Variants in HLA-F observed in about 807,000 individuals in gnomAD.
HLA-F encodes the protein major histocompatibility complex, class I, F.
In HLA-F, 46 loss-of-function variants were observed where a neutral mutation model predicts 49.5. The ratio of observed to expected loss-of-function variants is 0.93; its 90% CI spans 0.73 to 1.19. The LOEUF (loss-of-function observed/expected upper bound fraction) is 1.19. Ranked by LOEUF, HLA-F falls within the 50% of genes most tolerant of loss-of-function variation. The pLI, the probability that HLA-F is intolerant of heterozygous loss-of-function variation, is 0.00. For synonymous variants in HLA-F, 203 were observed against 233.5 expected (o/e 0.87, Z 1.19); for missense variants, 496 against 579.6 (o/e 0.86, Z 1.48).
downstream of HLA-F, among the ~76,000 whole-genome samples, chr6:29,731,270 TAG>T (rs1312253490): frequency 7.5e-6 from 1 of 132,782 alleles, no homozygotes; most frequent in Admixed American, 7.6e-5. Flanking sequence ...GATAGATAGA[TAG>T]ATAGATAGAC....
rs781610268 is a variant in HLA-F at position 29,727,133 on chromosome 6, G to A, written c.1287G>A (p.Trp429Ter). 47 of 1,605,152 alleles carry A rather than the reference G, an allele frequency of 2.9e-5. No homozygotes were observed. The highest frequency in any genetic ancestry group is 2.6e-4 in the Admixed American group (15 of 57,658). ...RRGRSFLLRSWHHLMKRVQIK... is the reference protein window; with the variant it reads ...RRGRSFLLRS ...GCAGGAGCTTCCTTCTTCGTTCTTG[G>A]CACCATCTTATGAAAAGGGTCCAGA... Residue 429 changes from tryptophan (W) to a stop codon, truncating the protein, a stop_gained, in exon 7 of 7, where the codon TGG becomes TGA. Transcript: ENST00000259951. LOFTEE classifies it low-confidence loss of function (END_TRUNC).
rs893466052 is a variant in HLA-F at position 29,727,129 on chromosome 6, C to T, written c.1283C>T (p.Ser428Phe). 1.2e-5 allele frequency: 19 copies of T among 1,607,252 alleles called. No individual in the cohort carries two copies. In the East Asian group the frequency reaches 4.0e-4, roughly 34 times the overall value. ...FRRGRSFLLRSWHHLMKRVQI... is the reference protein window; with the variant it reads ...FRRGRSFLLRFWHHLMKRVQI... ...AGGGGCAGGAGCTTCCTTCTTCGTTCTTGGCACCATCTTATGAAAAGGGTC... is the reference window on the plus strand; with the variant it reads ...AGGGGCAGGAGCTTCCTTCTTCGTTTTTGGCACCATCTTATGAAAAGGGTC... Residue 428 changes from serine (S) to phenylalanine (F), a missense_variant, in exon 7 of 7, where the codon TCT becomes TTT. Coordinates refer to ENST00000259951, the MANE Select transcript of HLA-F (RefSeq NM_001098479.2).
At chr6:29,728,299 C>A, downstream of HLA-F, 1 of 354,152 alleles carries the variant, frequency 2.8e-6, no homozygotes, top group South Asian at 2.1e-5. Context: ...TCATCTCTCC[C>A]TTCCCTGGAG....
At chr6:29,729,537 T>A (rs60581484), downstream of HLA-F, among the ~76,000 whole-genome samples, 806 of 152,362 alleles carry the variant, frequency 5.3e-3, 17 homozygotes, top group East Asian at 0.037. Flanking sequence ...GTTCAACCTA[T>A]AAATCTTTTA....
At chr6:29,732,667 C>A (rs890846067) in intron 3 of HLA-F, among the ~76,000 whole-genome samples, 1 of 151,760 alleles carries the variant, frequency 6.6e-6, no homozygotes, top group African/African-American at 2.4e-5. Context: ...AGTCTGGTCT[C>A]GAATTCCTGA....
intron 6 of HLA-F, chr6:29,726,626 G>T: frequency 6.6e-7 from 1 of 1,507,818 alleles, no homozygotes; most frequent in Non-Finnish European, 8.9e-7. Context: ...TTTTAATGGT[G>T]AAAAGATATA....
intron 4 of HLA-F, chr6:29,738,333 A>G (rs1174811434): frequency 6.6e-6 from 1 of 152,106 alleles, no homozygotes; most frequent in Non-Finnish European, 1.5e-5. Context: ...GTGAAAACCC[A>G]CCTGCCCAGC....
Position 29,725,941 on chromosome 6 carries a change from A to G in HLA-F, c.1004-70A>G. ...GGAAACTTCTCTGGGATCAAAGACT[A>G]GGGGTTTGCTCTAGGACCTTATGGC... On this transcript the variant is annotated intron_variant, in intron 5 of 6. Transcript: ENST00000259951. The G allele has an allele frequency of 9.3e-6, 14 of 1,512,558 alleles. No individual in the cohort carries two copies. In the South Asian group the frequency reaches 1.2e-4, roughly 13 times the overall value. The allele number at this position is 1,512,558 out of a possible 1,614,324, so 93.7% of individuals were successfully genotyped here.
intron 3 of HLA-F, chr6:29,736,648 C>T: frequency 3.3e-6 from 1 of 305,364 alleles, no homozygotes; most frequent in South Asian, 2.7e-5. Flanking sequence ...TCATAAATCA[C>T]CCTCCCCAAC....
At chr6:29,725,680 A>G in intron 5 of HLA-F, 117 bp downstream of exon 5, 1 of 877,862 alleles carries the variant, frequency 1.1e-6, no homozygotes, top group Non-Finnish European at 1.9e-6. Flanking sequence ...TCATGGGTCT[A>G]CCCAGCCTGG....
chr6:29,726,474 G>A (rs1248327561), intron 6 of HLA-F: 12 of 1,594,626 alleles, frequency 7.5e-6, no homozygotes, highest in African/African-American at 6.8e-5. Context: ...TGTGCCTCAC[G>A]AACATACATA....
downstream of HLA-F, among the ~76,000 whole-genome samples, chr6:29,727,636 C>A (rs571734129): frequency 6.6e-6 from 1 of 152,138 alleles, no homozygotes; most frequent in African/African-American, 2.4e-5. Flanking sequence ...GAGCTGTGAC[C>A]GCACATTCAT....
intron 6 of HLA-F, 32 bp downstream of exon 6, chr6:29,726,075 T>C: frequency 6.2e-7 from 1 of 1,605,030 alleles, no homozygotes; most frequent in Non-Finnish European, 8.5e-7. Flanking sequence ...CCTGAGATTG[T>C]TGGGATATTG....
downstream of HLA-F, among the ~76,000 whole-genome samples, chr6:29,731,379 T>C (rs2523402): frequency 0.38 from 57,700 of 151,912 alleles, 11,090 homozygotes; most frequent in East Asian, 0.42. Flanking sequence ...AGGAAGACAG[T>C]AGCCTGGCTC....
At chr6:29,736,280 A>T in intron 3 of HLA-F, 1 of 374,088 alleles carries the variant, frequency 2.7e-6, no homozygotes. Context: ...TTCCTGGCTC[A>T]ACAGCCATTT....
chr6:29,737,566 A>G (rs1256946367), intron 3 of HLA-F, among the ~76,000 whole-genome samples: 2 of 152,228 alleles, frequency 1.3e-5, no homozygotes, highest in Non-Finnish European at 2.9e-5. Flanking sequence ...CTTCTAGGTC[A>G]GCTGCCAAAC....
chr6:29,724,624 C>G (rs980285504), intron 3 of HLA-F, among the ~76,000 whole-genome samples, 176 bp downstream of exon 3: 1 of 152,066 alleles, frequency 6.6e-6, no homozygotes, highest in Non-Finnish European at 1.5e-5. Context: ...TGAGAGTCCG[C>G]CCTGCTCTCT....
At chr6:29,726,101 G>A in intron 6 of HLA-F, 58 bp downstream of exon 6, 3 of 1,540,998 alleles carry the variant, frequency 1.9e-6, no homozygotes, top group South Asian at 2.2e-5. Context: ...AGGAGCCTAT[G>A]AGGGAGCTCA....
chr6:29,730,496 C>T (rs2127594089), downstream of HLA-F, among the ~76,000 whole-genome samples: 1 of 152,224 alleles, frequency 6.6e-6, no homozygotes, highest in Admixed American at 6.5e-5. Flanking sequence ...TGTAAATGTG[C>T]TTTAGGCCAC....
Sources: allele counts gnomAD v4.1 joint callset (sites outside exome capture counted in the v4.1 genomes callset), GRCh38; gene constraint gnomAD v4.1.1; transcripts MANE v1.5; gene names NCBI Gene and HGNC (gene_info 2026-07-23, HGNC 2026-07-21).